The following TRPV1 variants were observed in gnomAD, a reference collection of about 807,000 sequenced individuals.
The protein encoded by TRPV1 is transient receptor potential cation channel subfamily V member 1.
Under a neutral mutation model 82.3 loss-of-function variants are expected in TRPV1, and 82 were observed. The observed-to-expected ratio is 1.00, with a 90% CI of 0.83 to 1.20. The LOEUF (loss-of-function observed/expected upper bound fraction) is 1.20. Ranked by LOEUF, TRPV1 falls within the 50% of genes most tolerant of loss-of-function variation. TRPV1 has a pLI of 0.00. For synonymous variants in TRPV1, 515 were observed against 467.7 expected (o/e 1.10, Z -1.30); for missense variants, 1,067 against 1,096.8 (o/e 0.97, Z 0.38).
chr17:3,606,354 C>T (rs1235030146), intron 2 of TRPV1, among the ~76,000 whole-genome samples: 2 of 152,206 alleles, frequency 1.3e-5, no homozygotes, highest in Non-Finnish European at 2.9e-5. Context: ...GCTGACAGAG[C>T]TACCACTCTC....
intron 12 of TRPV1, 80 bp downstream of exon 12, chr17:3,577,518 G>A (rs1481197495): frequency 1.8e-5 from 27 of 1,474,374 alleles, no homozygotes; most frequent in African/African-American, 2.8e-5. Context: ...AGAGAGGATG[G>A]GCGGAGTTCT....
chr17:3,572,387 G>T, intron 14 of TRPV1, 138 bp from the exon 15 acceptor site: 2 of 1,081,790 alleles, frequency 1.8e-6, no homozygotes, highest in Non-Finnish European at 2.6e-6. Flanking sequence ...TGCCCTCCAC[G>T]CTAGCTTTGT....
At chr17:3,576,045 G>A (rs796205957) in intron 13 of TRPV1, among the ~76,000 whole-genome samples, 12 of 146,942 alleles carry the variant, frequency 8.2e-5, no homozygotes, top group African/African-American at 2.5e-4. Context: ...ACAAAACCCC[G>A]TCTCTACTAA....
At chr17:3,568,109 T>C (rs1030062410) in intron 16 of TRPV1, among the ~76,000 whole-genome samples, 2 of 151,908 alleles carry the variant, frequency 1.3e-5, no homozygotes. Context: ...GATCACGAGG[T>C]CAGGAGATCG....
rs756452895 is a variant in TRPV1, at chr17:3,585,846, G to A, written c.1305C>T (p.Phe435=). ...GGCAGTAGACCAGGAAGTTGAAGTAGAAGATGCGCTTGACGAATCTGTCCC... is the reference window on the plus strand; with the variant it reads ...GGCAGTAGACCAGGAAGTTGAAGTAAAAGATGCGCTTGACGAATCTGTCCC... ...DKWDRFVKRI[F]YFNFLVYCLY... The change falls in exon 9 of 17, where the codon TTC becomes TTT. Residue 435 remains phenylalanine, a synonymous_variant. Transcript: ENST00000572705. 6 of 1,613,898 alleles carry A rather than the reference G, an allele frequency of 3.7e-6. No homozygotes were observed. Among genetic ancestry groups the A allele is most frequent in the Non-Finnish European group, 5.1e-6 (6 of 1,179,894 alleles).
chr17:3,605,402 C>T lies in TRPV1; in HGVS notation c.-34+3025G>A, dbSNP rs560083388. Reference sequence around the variant, plus strand: ...GTGTACACCTGTAATCCCAGCTACTCGCGAGGCTGAGGCATGAGAATTGCT... The same window carrying T: ...GTGTACACCTGTAATCCCAGCTACTTGCGAGGCTGAGGCATGAGAATTGCT... On this transcript the variant is annotated intron_variant, in intron 2 of 16. Transcript: ENST00000572705. Among the ~76,000 whole-genome samples the T allele has an allele frequency of 4.3e-4, 66 of 151,964 alleles. No individual in the cohort carries two copies. In the Middle Eastern group the frequency reaches 0.014, roughly 31 times the overall value.
At chr17:3,606,699 C>T (rs143281876) in intron 2 of TRPV1, among the ~76,000 whole-genome samples, 282 of 152,258 alleles carry the variant, frequency 1.9e-3, no homozygotes, top group Non-Finnish European at 2.9e-3. Context: ...CCTCAGGCAA[C>T]GGAAGCAGCA....
intron 2 of TRPV1, among the ~76,000 whole-genome samples, chr17:3,603,658 G>A (rs560242789): frequency 7.2e-5 from 11 of 152,296 alleles, no homozygotes; most frequent in African/African-American, 2.6e-4. Flanking sequence ...CATTATTTCA[G>A]CCTGAGGACC....
chr17:3,593,724 A>G (rs1411815856), intron 2 of TRPV1, among the ~76,000 whole-genome samples: 1 of 152,156 alleles, frequency 6.6e-6, no homozygotes, highest in Non-Finnish European at 1.5e-5. Context: ...CCTGTCCCAC[A>G]CAGCCTACCA....
chr17:3,588,889 C>A, intron 7 of TRPV1: 1 of 1,535,244 alleles, frequency 6.5e-7, no homozygotes, highest in Non-Finnish European at 8.7e-7. Context: ...CCATATCAGG[C>A]CCACAATCCC....
chr17:3,570,302 G>A (rs1025320873), intron 16 of TRPV1, among the ~76,000 whole-genome samples: 11 of 151,704 alleles, frequency 7.3e-5, no homozygotes, highest in Admixed American at 2.0e-4. Context: ...CCCGGGAGGC[G>A]GAGGGTGCAG....
At chr17:3,581,554 C>G (rs549360337) in intron 10 of TRPV1, among the ~76,000 whole-genome samples, 1 of 151,914 alleles carries the variant, frequency 6.6e-6, no homozygotes, top group African/African-American at 2.4e-5. Flanking sequence ...AAAAAAAAAA[C>G]TGGATAGAGC....
At chr17:3,598,392 G>A (rs942221890) in intron 2 of TRPV1, among the ~76,000 whole-genome samples, 25 of 152,066 alleles carry the variant, frequency 1.6e-4, no homozygotes, top group African/African-American at 5.6e-4. Context: ...CAGCAACCCC[G>A]GGCAGTGGGA....
At chr17:3,599,508 C>G (rs1029331176) in intron 2 of TRPV1, among the ~76,000 whole-genome samples, 9 of 126,916 alleles carry the variant, frequency 7.1e-5, no homozygotes, top group African/African-American at 1.7e-4. Flanking sequence ...TCTAGGAGTC[C>G]TCTGGTCAGG....
intron 14 of TRPV1, among the ~76,000 whole-genome samples, chr17:3,572,481 C>T (rs112908146): frequency 0.037 from 5,708 of 152,240 alleles, 151 homozygotes; most frequent in Non-Finnish European, 0.057. Context: ...TGGTGCCTGC[C>T]GGGCCTGGGC....
Position 3,577,624 on chromosome 17 carries a change from C to T in TRPV1, c.1687G>A (p.Gly563Ser). The T allele has an allele frequency of 6.3e-7, 1 of 1,583,076 alleles. No homozygotes were observed. The highest frequency in any genetic ancestry group is 1.2e-5 in the South Asian group (1 of 86,276). The change falls in exon 12 of 17, where the codon GGC (glycine) becomes AGC (serine). Residue 563 changes from glycine (G) to serine (S), a missense_variant. By Grantham distance (56) the Gly-to-Ser change is moderately conservative. Transcript: ENST00000572705. ...LYYTRGFQQM[G>S]IYAVMIEKMI... Reference sequence around the variant, plus strand: ...TTCTCTATCATGACGGCATAGATGCCCATCTGCTGGAAACCGCGGGTGTAG... The same window carrying T: ...TTCTCTATCATGACGGCATAGATGCTCATCTGCTGGAAACCGCGGGTGTAG...
At chr17:3,593,108 G>A (rs1346603116) in intron 2 of TRPV1, among the ~76,000 whole-genome samples, 4 of 104,672 alleles carry the variant, frequency 3.8e-5, no homozygotes, top group Non-Finnish European at 7.7e-5. Flanking sequence ...GTGTGTGTGT[G>A]TGTGTGTGTG....
rs2150850016 is a variant in TRPV1 at position 3,592,120 on chromosome 17, T to C, written c.231A>G (p.Thr77=). The stretch of plus-strand genomic sequence containing the variant: ...TCTGGATGGTGATAACAGGGCTGAC[T>C]GTGATGGTCGGGCAGGAGTCCAGCT... ...EGELDSCPTI[T]VSPVITIQRP... The change falls in exon 3 of 17, where the codon ACA becomes ACG. Residue 77 remains threonine (T), a synonymous_variant. Coordinates refer to ENST00000572705, the MANE Select transcript of TRPV1 (RefSeq NM_080704.4). 6.2e-7 allele frequency: 1 copy of C among 1,613,872 alleles called. No homozygotes were observed. The highest frequency in any genetic ancestry group is 8.5e-7 in the Non-Finnish European group (1 of 1,179,874).
rs1424472823 is a variant in TRPV1 at position 3,591,181 on chromosome 17, G to A, written c.451+6C>T. ...GGGCCCTCCCCGAGCCCAGCGCTGGGGCCACCTTTGAACTCGTTGTCTGTG... is the reference window on the plus strand; with the variant it reads ...GGGCCCTCCCCGAGCCCAGCGCTGGAGCCACCTTTGAACTCGTTGTCTGTG... On this transcript the variant is annotated splice_donor_region_variant and intron_variant, in intron 4 of 16. Transcript: ENST00000572705. The A allele has an allele frequency of 2.5e-6, 4 of 1,608,796 alleles. No individual in the cohort carries two copies. Among genetic ancestry groups the A allele is most frequent in the South Asian group, 1.1e-5 (1 of 90,246 alleles).
Sources: gnomAD v4.1 joint callset for allele counts (sites outside exome capture counted in the v4.1 genomes callset) on GRCh38, gnomAD v4.1.1 for gene constraint, MANE v1.5 for transcripts, NCBI Gene and HGNC (gene_info 2026-07-23, HGNC 2026-07-21) for gene names.